The following SWT1 variants were observed in gnomAD, a reference collection of about 807,000 sequenced individuals.
The protein encoded by SWT1 is SWT1 RNA endoribonuclease homolog.
In SWT1, 33 loss-of-function variants were observed where a neutral mutation model predicts 107.3. That is an observed-to-expected ratio of 0.31 (90% CI 0.23 to 0.41). SWT1 has a LOEUF of 0.41. SWT1 is among the 10% of genes least tolerant of loss of function. The probability of loss-of-function intolerance (pLI) is 1.00; values close to 1 mark genes in which losing one functional copy is unlikely to be tolerated. For synonymous variants in SWT1, 345 were observed against 348.3 expected, an observed-to-expected ratio of 0.99 and a Z score of 0.11; for missense variants, 898 against 1,028.9, an observed-to-expected ratio of 0.87 and a Z score of 1.74.
intron 16 of SWT1, among the ~76,000 whole-genome samples, chr1:185,271,044 A>T (rs1309185035): frequency 2.0e-5 from 3 of 152,330 alleles, no homozygotes; most frequent in African/African-American, 4.8e-5. Context: ...TTAAAATGTG[A>T]ACTATAACTT....
At chr1:185,210,810 C>A (rs915361722) in intron 13 of SWT1, among the ~76,000 whole-genome samples, 2 of 152,126 alleles carry the variant, frequency 1.3e-5, no homozygotes, top group Non-Finnish European at 2.9e-5. Flanking sequence ...CATCTCATCC[C>A]AAAATCTCCT....
intron 4 of SWT1, among the ~76,000 whole-genome samples, chr1:185,172,065 T>G (rs1015500985): frequency 5.3e-5 from 8 of 152,228 alleles, no homozygotes; most frequent in Non-Finnish European, 1.2e-4. Context: ...GTAACCTAAT[T>G]AAGGGTAAAG....
chr1:185,174,767 A>G lies in SWT1; in HGVS notation c.620A>G (p.Lys207Arg). 1.9e-6 allele frequency: 3 copies of G among 1,610,812 alleles called. No homozygotes were observed. The highest frequency in any genetic ancestry group is 2.5e-6 in the Non-Finnish European group (3 of 1,179,288). Reference sequence around the variant, plus strand: ...GAAAAATGTGTCTTAGAGAAATGGAAGAGAAATCAATTTTCTCAGGATTAT... The same window carrying G: ...GAAAAATGTGTCTTAGAGAAATGGAGGAGAAATCAATTTTCTCAGGATTAT... Reference protein sequence around the residue: ...NSEKCVLEKWKRNQFSQDYNS... With the variant: ...NSEKCVLEKWRRNQFSQDYNS... The change falls in exon 5 of 19, where the codon AAG (lysine) becomes AGG (arginine). Residue 207 changes from lysine (K) to arginine (R), a missense_variant. Lys to Arg is a conservative substitution (Grantham distance 26). Around this residue, in one of 6 missense-constraint regions of SWT1, gnomAD observed 382 missense variants for 362.4 expected, o/e 1.05. Coordinates refer to ENST00000367500, the MANE Select transcript of SWT1 (RefSeq NM_017673.7).
rs146040698 is a variant in SWT1, at chr1:185,202,730, T to A, written c.1600T>A (p.Leu534Ile). Reference protein sequence around the residue: ...SLSKEELSAELLHLSLNTDVC... With the variant: ...SLSKEELSAEILHLSLNTDVC... ...CAGTAAAGAAGAATTGAGTGCAGAG[T>A]TATTACACTTATCTCTGAACACAGA... Residue 534 changes from leucine to isoleucine, a missense_variant, in exon 11 of 19, where the codon TTA becomes ATA. Transcript: ENST00000367500. 9.4e-6 allele frequency: 15 copies of A among 1,604,192 alleles called. No individual in the cohort carries two copies. Among genetic ancestry groups the A allele is most frequent in the Middle Eastern group, 3.3e-4 (2 of 6,034 alleles).
At chr1:185,281,626 G>T in intron 18 of SWT1, 1 of 189,340 alleles carries the variant, frequency 5.3e-6, no homozygotes. Flanking sequence ...ACCAAATGGA[G>T]GTGATATACT....
chr1:185,167,505 T>G (rs937983965), intron 3 of SWT1, among the ~76,000 whole-genome samples: 1 of 152,164 alleles, frequency 6.6e-6, no homozygotes, highest in Non-Finnish European at 1.5e-5. Context: ...TTTTAAGAAT[T>G]TACTTGTTTT....
chr1:185,192,381 A>G (rs1175962298), intron 10 of SWT1, among the ~76,000 whole-genome samples: 2 of 152,172 alleles, frequency 1.3e-5, no homozygotes, highest in African/African-American at 4.8e-5. Flanking sequence ...GAAACCAGGG[A>G]GTAAATTTTG....
rs540623459 is a variant in SWT1 at position 185,249,579 on chromosome 1, C to T, written c.2441+17871C>T. Among the ~76,000 whole-genome samples, 4 of 152,228 alleles carry T rather than the reference C, an allele frequency of 2.6e-5. No homozygotes were observed. The South Asian group carries it at 6.2e-4, about 24-fold the overall frequency. On this transcript the variant is annotated intron_variant, in intron 16 of 18. Coordinates refer to ENST00000367500, the MANE Select transcript of SWT1 (RefSeq NM_017673.7). ...TGGGTATGGCTCCTTCAGCAGAGCT[C>T]CTTGAGTACCTACCGTTCCTCTAGA... is the stretch of plus-strand genomic sequence containing the variant.
intron 14 of SWT1, among the ~76,000 whole-genome samples, chr1:185,217,045 A>G (rs1659275710): frequency 1.3e-5 from 2 of 152,344 alleles, no homozygotes; most frequent in Non-Finnish European, 2.9e-5. Flanking sequence ...TACGTTAGCA[A>G]GAGATTCATG....
chr1:185,219,598 T>TA lies in SWT1; in HGVS notation c.2122-2250dup, dbSNP rs1659482169. On this transcript the variant is annotated intron_variant, in intron 14 of 18. Coordinates refer to ENST00000367500, the MANE Select transcript of SWT1 (RefSeq NM_017673.7). ...TATTTAAGTTTACAAAGCATATTTA[T>TA]AGTAGAGCCAAGACCAAAAAACTAA... Among the ~76,000 whole-genome samples the TA allele has an allele frequency of 2.6e-5, 4 of 152,308 alleles. No homozygotes were observed. The South Asian group carries it at 8.3e-4, about 32-fold the overall frequency.
intron 16 of SWT1, among the ~76,000 whole-genome samples, chr1:185,256,832 G>T (rs559564576): frequency 5.9e-5 from 9 of 152,182 alleles, no homozygotes; most frequent in Non-Finnish European, 8.8e-5. Context: ...GAGGAACTGC[G>T]TTCCTTTGGA....
chr1:185,219,197 T>C (rs1659444168), intron 14 of SWT1, among the ~76,000 whole-genome samples: 1 of 152,206 alleles, frequency 6.6e-6, no homozygotes, highest in Non-Finnish European at 1.5e-5. Context: ...CATTTACTTT[T>C]ACAGATGGAG....
chr1:185,290,915 A>C lies in SWT1; in HGVS notation c.*112A>C. ...CCAAGAGAATTTTAAGAAATGTTTC[A>C]TAGGTATAAAAAGGTGATCGCCTAT... is the stretch of plus-strand genomic sequence containing the variant. On this transcript the variant is annotated 3_prime_UTR_variant, in exon 19 of 19. Transcript: ENST00000367500. 1 of 896,698 alleles carries C rather than the reference A, an allele frequency of 1.1e-6. No individual in the cohort carries two copies. The highest frequency in any genetic ancestry group is 2.8e-5 in the Admixed American group (1 of 36,252). The allele number at this position is 896,698 out of a possible 1,614,324, so 55.5% of individuals were successfully genotyped here.
At chr1:185,197,965 CTTTTCTTCTGCTAGCTTTTGAATTTG>C (rs1657538032) in intron 10 of SWT1, among the ~76,000 whole-genome samples, 1 of 152,056 alleles carries the variant, frequency 6.6e-6, no homozygotes, top group African/African-American at 2.4e-5. Flanking sequence ...TTAGTTATTT[CTTTTCTTCTGCTAGCTTTTGAATTTG>C]TTTGCTCTTG....
chr1:185,253,232 G>C (rs1372401225), intron 16 of SWT1, among the ~76,000 whole-genome samples: 1 of 150,068 alleles, frequency 6.7e-6, no homozygotes, highest in Non-Finnish European at 1.5e-5. Flanking sequence ...CTCCAGCTTT[G>C]TTCTTTTGGC....
intron 17 of SWT1, among the ~76,000 whole-genome samples, chr1:185,271,830 A>G (rs1226758597): frequency 6.6e-6 from 1 of 152,066 alleles, no homozygotes; most frequent in Non-Finnish European, 1.5e-5. Context: ...ACAACTGTCC[A>G]TTTCATCCCC....
chr1:185,282,283 A>G (rs1664677914), intron 18 of SWT1, among the ~76,000 whole-genome samples: 1 of 152,002 alleles, frequency 6.6e-6, no homozygotes, highest in Non-Finnish European at 1.5e-5. Flanking sequence ...ACCACACCAC[A>G]TTTTGGATCT....
Position 185,159,158 on chromosome 1 carries a change from C to T in SWT1, c.-9-1675C>T, listed in dbSNP as rs550676699. Among the ~76,000 whole-genome samples, 10 of 152,250 alleles carry T rather than the reference C, an allele frequency of 6.6e-5. No homozygotes were observed. In the East Asian group the frequency reaches 1.9e-3, roughly 29 times the overall value. Reference sequence around the variant, plus strand: ...GATTTAGCCACATACCACTATGTAGCAGTAATATCTTATTGATTACACAGG... The same window carrying T: ...GATTTAGCCACATACCACTATGTAGTAGTAATATCTTATTGATTACACAGG... On this transcript the variant is annotated intron_variant, in intron 1 of 18. Coordinates refer to ENST00000367500, the MANE Select transcript of SWT1 (RefSeq NM_017673.7).
intron 18 of SWT1, among the ~76,000 whole-genome samples, chr1:185,278,662 G>A (rs10798003): frequency 0.53 from 80,291 of 152,030 alleles, 22,991 homozygotes; most frequent in African/African-American, 0.77. Context: ...AGTGAGTTCT[G>A]TTGTAACACG....
Sources: allele counts gnomAD v4.1 joint callset (sites outside exome capture counted in the v4.1 genomes callset), GRCh38; gene constraint gnomAD v4.1.1; regional missense constraint gnomAD v4.1.1; transcripts MANE v1.5; gene names NCBI Gene and HGNC (gene_info 2026-07-23, HGNC 2026-07-21).